The following MPO variants were observed in gnomAD, a reference collection of about 807,000 sequenced individuals.
MPO encodes the protein myeloperoxidase.
MPO carries 57 observed loss-of-function variants against 69.4 expected under a neutral mutation model. That is an observed-to-expected ratio of 0.82 (90% CI 0.66 to 1.02). The LOEUF (loss-of-function observed/expected upper bound fraction) is 1.02, where lower values mean the gene tolerates loss of function less well. MPO is among the 50% of genes least tolerant of loss of function. MPO has a pLI of 0.00. For missense variants in MPO, 971 were observed against 1,014.1 expected (o/e 0.96, Z 0.58); for synonymous variants, 426 against 417.1 (o/e 1.02, Z -0.26).
At position 58,275,807 on chromosome 17, in the gene MPO, A is replaced by T; in HGVS notation, c.1205-105T>A. 2 of 1,333,854 alleles carry T rather than the reference A, an allele frequency of 1.5e-6. No individual in the cohort carries two copies. The highest frequency in any genetic ancestry group is 2.9e-5 in the African/African-American group (2 of 68,586). The allele number at this position is 1,333,854 out of a possible 1,614,324, so 82.6% of individuals were successfully genotyped here. On this transcript the variant is annotated intron_variant, in intron 7 of 11. Coordinates refer to ENST00000225275, the MANE Select transcript of MPO (RefSeq NM_000250.2). The surrounding 1 kb of genome is among the most constrained non-coding windows in gnomAD (Gnocchi z 4.1). ...CCAAGGCCTGAAATGCCTCCTACTC[A>T]CCCCTCCTCCCCATCCATCTTTTCA...
rs372243533 is a variant in MPO at position 58,279,554 on chromosome 17, A to G, written c.517T>C (p.Tyr173His). The G allele has an allele frequency of 1.6e-5, 26 of 1,614,088 alleles. No individual in the cohort carries two copies. In the African/African-American group the frequency reaches 3.2e-4, roughly 20 times the overall value. The change falls in exon 4 of 12, where the codon TAC (tyrosine) becomes CAC (histidine). Residue 173 changes from tyrosine (Y) to histidine (H), a missense_variant. Transcript: ENST00000225275. ...VGVTCPEQDK[Y>H]RTITGMCNNR... ...TTGCACATCCCGGTGATGGTGCGGT[A>G]TTTGTCCTGCTCCGGGCAAGTCACC...
At chr17:58,280,515 C>T in intron 1 of MPO, 56 bp from the exon 2 acceptor site, 2 of 1,612,672 alleles carry the variant, frequency 1.2e-6, no homozygotes, top group East Asian at 2.2e-5. Context: ...CTATCAGGCC[C>T]CAGAGCTAGG....
rs531825175 is a variant in MPO, at chr17:58,269,915, A to G, written c.*741T>C. The G allele has an allele frequency of 2.1e-4, 32 of 153,874 alleles. No homozygotes were observed. The highest frequency in any genetic ancestry group is 7.0e-4 in the African/African-American group (29 of 41,596). The allele number at this position is 153,874 out of a possible 1,614,324, so 9.5% of individuals were successfully genotyped here. ...AACATTGGGAGCAAATAAATGGTACAGAAAGGGCAACAGGCCCAGTTCCTC... is the reference window on the plus strand; with the variant it reads ...AACATTGGGAGCAAATAAATGGTACGGAAAGGGCAACAGGCCCAGTTCCTC... On this transcript the variant is annotated 3_prime_UTR_variant, in exon 12 of 12. Coordinates refer to ENST00000225275, the MANE Select transcript of MPO (RefSeq NM_000250.2).
intron 10 of MPO, 66 bp downstream of exon 10, chr17:58,272,682 T>C: frequency 6.4e-7 from 1 of 1,551,464 alleles, no homozygotes; most frequent in Non-Finnish European, 8.8e-7. Context: ...GGAAGGGGGG[T>C]GATGGGCTAC....
At position 58,273,466 on chromosome 17, in the gene MPO, G is replaced by A. The variant is rs963955387; in HGVS notation, c.1569C>T (p.Pro523=). The A allele has an allele frequency of 1.9e-6, 3 of 1,614,232 alleles. No individual in the cohort carries two copies. The highest frequency in any genetic ancestry group is 1.7e-5 in the Admixed American group (1 of 60,028). ...AAAAGACCCTGCTGAGGGGGACACG[G>A]GGGTTGGGTTCCATGGGCTGGTACC... is the stretch of plus-strand genomic sequence containing the variant. The part of the protein sequence containing the change: ...DNRYQPMEPN[P]RVPLSRVFFA... Residue 523 remains proline (P), a synonymous_variant, in exon 9 of 12, where the codon CCC becomes CCT. Transcript: ENST00000225275.
In MPO at chr17:58,280,764, T is replaced by G. The variant is rs748290076; in HGVS notation, c.-6A>C. 1.2e-6 allele frequency: 2 copies of G among 1,614,074 alleles called. No individual in the cohort carries two copies. Among genetic ancestry groups the G allele is most frequent in the Admixed American group, 1.7e-5 (1 of 60,014 alleles). On this transcript the variant is annotated 5_prime_UTR_variant, in exon 1 of 12. Transcript: ENST00000225275. ...GAGAAGAAGGGAACCCCCATCTCTCTTCTCCTGGGCTGCTCAATCCCCCTT... is the reference window on the plus strand; with the variant it reads ...GAGAAGAAGGGAACCCCCATCTCTCGTCTCCTGGGCTGCTCAATCCCCCTT...
At chr17:58,273,234 C>A (rs943009792) in intron 9 of MPO, among the ~76,000 whole-genome samples, 180 bp downstream of exon 9, 9 of 152,186 alleles carry the variant, frequency 5.9e-5, no homozygotes, top group African/African-American at 2.2e-4. Context: ...CCATCCCCAC[C>A]CCACTGTTTA....
At position 58,270,201 on chromosome 17, in the gene MPO, A is replaced by C; in HGVS notation, c.*455T>G. 3.3e-6 allele frequency: 1 copy of C among 301,860 alleles called. No homozygotes were observed. Among genetic ancestry groups the C allele is most frequent in the South Asian group, 3.2e-5 (1 of 31,436 alleles). The allele number at this position is 301,860 out of a possible 1,614,324, so 18.7% of individuals were successfully genotyped here. A position where few individuals can be genotyped will look rare whatever the true frequency, so the allele number is the denominator to read the frequency against. On this transcript the variant is annotated 3_prime_UTR_variant, in exon 12 of 12. Transcript: ENST00000225275. This position sits in a 1 kb window ranked among gnomAD's most constrained non-coding sequence, Gnocchi z 4.1. ...AGGTGCTCAATAAATGAAGAACCAGAGGATACAAGTGGGCCCTCCAAGAAA... is the reference window on the plus strand; with the variant it reads ...AGGTGCTCAATAAATGAAGAACCAGCGGATACAAGTGGGCCCTCCAAGAAA...
rs767582770 is a variant in MPO, at chr17:58,279,655, G to A, written c.425-9C>T. ...GGCGGGCGTCAGCACATCTGCCGGGGGAAAGAACAATGGGGGAGCTGAGCC... is the reference window on the plus strand; with the variant it reads ...GGCGGGCGTCAGCACATCTGCCGGGAGAAAGAACAATGGGGGAGCTGAGCC... On this transcript the variant is annotated splice_polypyrimidine_tract_variant and intron_variant, in intron 3 of 11. Transcript: ENST00000225275. The A allele has an allele frequency of 1.4e-5, 23 of 1,614,128 alleles. No individual in the cohort carries two copies. The highest frequency in any genetic ancestry group is 4.0e-5 in the African/African-American group (3 of 75,070).
chr17:58,274,371 TG>T (rs1567827698), intron 8 of MPO, among the ~76,000 whole-genome samples: 4 of 151,846 alleles, frequency 2.6e-5, no homozygotes, highest in Non-Finnish European at 5.9e-5. Flanking sequence ...TGTGTGTGTG[TG>T]TGTGTGTGTG....
chr17:58,273,509 A>G lies in MPO; in HGVS notation c.1526T>C (p.Met509Thr). Reference protein sequence around the residue: ...RYGHTLIQPFMFRLDNRYQPM... With the variant: ...RYGHTLIQPFTFRLDNRYQPM... ...CTGGTACCGATTGTCCAGGCGGAAC[A>G]TGAAGGGTTGGATGAGGGTGTGGCC... Residue 509 changes from methionine (M) to threonine (T), a missense_variant, in exon 9 of 12, where the codon ATG becomes ACG. By Grantham distance (81) the Met-to-Thr change is moderately conservative (BLOSUM62 -1). Coordinates refer to ENST00000225275, the MANE Select transcript of MPO (RefSeq NM_000250.2). The G allele has an allele frequency of 6.2e-7, 1 of 1,614,210 alleles. No homozygotes were observed. Among genetic ancestry groups the G allele is most frequent in the Non-Finnish European group, 8.5e-7 (1 of 1,180,030 alleles).
chr17:58,277,369 C>T (rs1567828689), intron 7 of MPO, among the ~76,000 whole-genome samples: 1 of 152,158 alleles, frequency 6.6e-6, no homozygotes, highest in Admixed American at 6.5e-5. Flanking sequence ...TGGTTAGCAC[C>T]GCTGAGAAAC....
Position 58,273,556 on chromosome 17 carries a change from G to A in MPO, c.1479C>T (p.Val493=), listed in dbSNP as rs751877194. Residue 493 remains valine (V), a synonymous_variant, in exon 9 of 12, where the codon GTC becomes GTT. Coordinates refer to ENST00000225275, the MANE Select transcript of MPO (RefSeq NM_000250.2). ...GGCCGTAGCGGAAGGCATTGGTGAA[G>A]ACGTTGGCGATGCGTGGGTCCACTG... ...NDSVDPRIAN[V]FTNAFRYGHT... 4 of 1,614,246 alleles carry A rather than the reference G, an allele frequency of 2.5e-6. No individual in the cohort carries two copies. The South Asian group carries it at 4.4e-5, about 18-fold the overall frequency.
intron 10 of MPO, among the ~76,000 whole-genome samples, chr17:58,272,217 C>T (rs904052027): frequency 6.6e-6 from 1 of 152,164 alleles, no homozygotes; most frequent in African/African-American, 2.4e-5. Flanking sequence ...CAGAGCAGCC[C>T]GATGTGTCTG....
chr17:58,275,490 T>A lies in MPO; in HGVS notation c.1365+52A>T. 6.2e-7 allele frequency: 1 copy of A among 1,611,884 alleles called. No homozygotes were observed. The highest frequency in any genetic ancestry group is 8.5e-7 in the Non-Finnish European group (1 of 1,178,330). Reference sequence around the variant, plus strand: ...CTTGCCCAAGGTCACACAGCTAGGATGTTGCAGGGACACATCTGGATCCCG... The same window carrying A: ...CTTGCCCAAGGTCACACAGCTAGGAAGTTGCAGGGACACATCTGGATCCCG... On this transcript the variant is annotated intron_variant, in intron 8 of 11. Transcript: ENST00000225275. The surrounding 1 kb of genome is among the most constrained non-coding windows in gnomAD (Gnocchi z 4.1).
chr17:58,277,791 T>A (rs1278851663), intron 7 of MPO, 36 bp downstream of exon 7: 4 of 1,598,382 alleles, frequency 2.5e-6, no homozygotes, highest in Non-Finnish European at 3.4e-6. Flanking sequence ...AGGGAACATC[T>A]CCTATGCCAC....
At chr17:58,277,665 T>C in intron 7 of MPO, 162 bp downstream of exon 7, 1 of 1,073,612 alleles carries the variant, frequency 9.3e-7, no homozygotes, top group East Asian at 2.6e-5. Context: ...TCCATCTGAC[T>C]TGTTACCAAG....
At chr17:58,279,697 C>T (rs1265048246) in intron 3 of MPO, 51 bp from the exon 4 acceptor site, 2 of 1,613,868 alleles carry the variant, frequency 1.2e-6, no homozygotes, top group Admixed American at 1.7e-5. Flanking sequence ...CTTCCTATCC[C>T]AGGCAACCTG....
intron 7 of MPO, among the ~76,000 whole-genome samples, chr17:58,276,610 C>G (rs1320025247): frequency 6.6e-6 from 1 of 152,218 alleles, no homozygotes; most frequent in Non-Finnish European, 1.5e-5. Flanking sequence ...TCATCAAAGC[C>G]AGGCTGTGGG....
Sources: gnomAD v4.1 joint callset for allele counts (sites outside exome capture counted in the v4.1 genomes callset) on GRCh38, gnomAD v4.1.1 for gene constraint, Gnocchi (gnomAD v3.1) non-coding constraint, MANE v1.5 for transcripts, NCBI Gene and HGNC (gene_info 2026-07-23, HGNC 2026-07-21) for gene names.